Variants in OSGEP observed in about 807,000 individuals in gnomAD.
OSGEP encodes the protein O-sialoglycoprotein endopeptidase.
In OSGEP, 39 loss-of-function variants were observed where a neutral mutation model predicts 44.1. The observed-to-expected ratio is 0.88, with a 90% CI of 0.69 to 1.16. The LOEUF (loss-of-function observed/expected upper bound fraction) is 1.16, where lower values mean the gene tolerates loss of function less well. OSGEP is among the 50% of genes most tolerant of loss of function. The pLI is 0.00. For synonymous variants in OSGEP, 139 were observed against 161.9 expected, an observed-to-expected ratio of 0.86 and a Z score of 1.07; for missense variants, 403 against 443.1, an observed-to-expected ratio of 0.91 and a Z score of 0.81.
chr14:20,448,727 A>C lies in OSGEP; in HGVS notation c.636+6T>G. Reference sequence around the variant, plus strand: ...AAGTGCCCGTCTCATCACCTCTCACACTCACCTCAATGAAAGACAGGATCC... The same window carrying C: ...AAGTGCCCGTCTCATCACCTCTCACCCTCACCTCAATGAAAGACAGGATCC... On this transcript the variant is annotated splice_donor_region_variant and intron_variant, in intron 6 of 10. Coordinates refer to ENST00000206542, the MANE Select transcript of OSGEP (RefSeq NM_017807.4). 6.2e-7 allele frequency: 1 copy of C among 1,602,034 alleles called. No homozygotes were observed. Among genetic ancestry groups the C allele is most frequent in the East Asian group, 2.2e-5 (1 of 44,854 alleles).
chr14:20,447,841 T>G, intron 8 of OSGEP, 63 bp downstream of exon 8: 3 of 1,306,746 alleles, frequency 2.3e-6, no homozygotes, highest in Non-Finnish European at 3.3e-6. Context: ...TGATTTAGAG[T>G]ACCAGGAGGA....
intron 1 of OSGEP, among the ~76,000 whole-genome samples, chr14:20,452,712 T>C (rs1412810016): frequency 6.6e-6 from 1 of 151,704 alleles, no homozygotes; most frequent in Non-Finnish European, 1.5e-5. Context: ...CGTGATCTTT[T>C]TTTTTTTTTT....
At position 20,454,763 on chromosome 14, in the gene OSGEP, C is replaced by A. The variant is rs1040623312; in HGVS notation, c.-80G>T. 2.0e-6 allele frequency: 2 copies of A among 1,014,272 alleles called. No homozygotes were observed. Among genetic ancestry groups the A allele is most frequent in the Non-Finnish European group, 3.0e-6 (2 of 666,080 alleles). The allele number at this position is 1,014,272 out of a possible 1,614,324, so 62.8% of individuals were successfully genotyped here. Reference sequence around the variant, plus strand: ...GAGGTCCTCACTAGTCCGCGCTGGGCCGCAGCTTTCCGGAGCGCAGAGGAA... The same window carrying A: ...GAGGTCCTCACTAGTCCGCGCTGGGACGCAGCTTTCCGGAGCGCAGAGGAA... On this transcript the variant is annotated 5_prime_UTR_variant, in exon 1 of 11. Transcript: ENST00000206542.
chr14:20,451,584 G>C (rs1881102432), intron 3 of OSGEP: 1 of 159,820 alleles, frequency 6.3e-6, no homozygotes, highest in Non-Finnish European at 1.4e-5. Flanking sequence ...TGGAATTACA[G>C]GCATGAGTTG....
Position 20,447,605 on chromosome 14 carries a change from G to A in OSGEP, c.869+10C>T, listed in dbSNP as rs1478064991. 1.9e-6 allele frequency: 3 copies of A among 1,612,936 alleles called. No individual in the cohort carries two copies. In the East Asian group the frequency reaches 6.7e-5, roughly 36 times the overall value. On this transcript the variant is annotated intron_variant, in intron 9 of 10. Coordinates refer to ENST00000206542, the MANE Select transcript of OSGEP (RefSeq NM_017807.4). ...AAGTAAAAAAGAAACCAAAGGGAAAGTGTCTTTACCTCTCATCTGTAGCAA... is the reference window on the plus strand; with the variant it reads ...AAGTAAAAAAGAAACCAAAGGGAAAATGTCTTTACCTCTCATCTGTAGCAA...
Position 20,452,085 on chromosome 14 carries a change from CCA to C in OSGEP, c.298_299del (p.Trp100GlufsTer2). 6.2e-7 allele frequency: 1 copy of C among 1,613,928 alleles called. No homozygotes were observed. Among genetic ancestry groups the C allele is most frequent in the Non-Finnish European group, 8.5e-7 (1 of 1,179,972 alleles). ...AVVARTVAQL[W>X]NKPLVGVNHC... is the part of the protein sequence containing the mutation. ...GGTTCACACCCACCAATGGCTTATT[CCA>C]CAGTTGGGCCACAGTACGGGCCACA... is the stretch of plus-strand genomic sequence containing the variant. On this transcript the variant is annotated frameshift_variant, in exon 3 of 11. Transcript: ENST00000206542. LOFTEE classifies it high-confidence loss of function.
rs765715506 is a variant in OSGEP at position 20,452,056 on chromosome 14, C to G, written c.329G>C (p.Cys110Ser). ...GCGGCCCATCTCAATGTGGCCTATACAGTGGTTCACACCCACCAATGGCTT... is the reference window on the plus strand; with the variant it reads ...GCGGCCCATCTCAATGTGGCCTATAGAGTGGTTCACACCCACCAATGGCTT... ...WNKPLVGVNH[C>S]IGHIEMGRLI... is the part of the protein sequence containing the mutation. The change falls in exon 3 of 11, where the codon TGT becomes TCT. Residue 110 changes from cysteine (C) to serine (S), a missense_variant. By Grantham distance (112) the Cys-to-Ser change is moderately radical. Coordinates refer to ENST00000206542, the MANE Select transcript of OSGEP (RefSeq NM_017807.4). The G allele has an allele frequency of 6.2e-7, 1 of 1,613,888 alleles. No homozygotes were observed. The highest frequency in any genetic ancestry group is 8.5e-7 in the Non-Finnish European group (1 of 1,179,990).
chr14:20,448,779 A>T lies in OSGEP; in HGVS notation c.590T>A (p.Val197Glu). Reference sequence around the variant, plus strand: ...TGAGAATGAGACGTCCATCCCCTTTACAGTGTATGGCAGCTCAACTAGCTT... The same window carrying T: ...TGAGAATGAGACGTCCATCCCCTTTTCAGTGTATGGCAGCTCAACTAGCTT... ...GKKLVELPYT[V>E]KGMDVSFSGI... The change falls in exon 6 of 11, where the codon GTA becomes GAA. Residue 197 changes from valine (V) to glutamate (E), a missense_variant. Coordinates refer to ENST00000206542, the MANE Select transcript of OSGEP (RefSeq NM_017807.4). 1 of 1,613,474 alleles carries T rather than the reference A, an allele frequency of 6.2e-7. No individual in the cohort carries two copies. Among genetic ancestry groups the T allele is most frequent in the Non-Finnish European group, 8.5e-7 (1 of 1,179,394 alleles).
At chr14:20,453,668 G>A (rs749612332) in intron 1 of OSGEP, among the ~76,000 whole-genome samples, 5 of 151,966 alleles carry the variant, frequency 3.3e-5, no homozygotes, top group Admixed American at 6.6e-5. Flanking sequence ...ACGCCCAGCC[G>A]TGTTTGGTAC....
At position 20,448,761 on chromosome 14, in the gene OSGEP, G is replaced by A. The variant is rs769110820; in HGVS notation, c.608C>T (p.Ser203Leu). The change falls in exon 6 of 11, where the codon TCA (serine) becomes TTA (leucine). Residue 203 changes from serine to leucine, a missense_variant. Transcript: ENST00000206542. ...LPYTVKGMDV[S>L]FSGILSFIED... is the part of the protein sequence containing the mutation. ...AATGAAAGACAGGATCCCTGAGAAT[G>A]AGACGTCCATCCCCTTTACAGTGTA... 1 of 1,613,328 alleles carries A rather than the reference G, an allele frequency of 6.2e-7. No individual in the cohort carries two copies. The highest frequency in any genetic ancestry group is 1.1e-5 in the South Asian group (1 of 91,062).
intron 10 of OSGEP, 53 bp from the exon 11 acceptor site, chr14:20,447,332 T>C: frequency 1.9e-6 from 3 of 1,608,838 alleles, no homozygotes; most frequent in Non-Finnish European, 2.6e-6. Flanking sequence ...ACATCCTTCA[T>C]TCTTCTCTGC....
Position 20,447,607 on chromosome 14 carries a change from G to GTCT in OSGEP, c.869+5_869+7dup, listed in dbSNP as rs1157039620. ...GTAAAAAAGAAACCAAAGGGAAAGT[G>GTCT]TCTTTACCTCTCATCTGTAGCAAAA... is the stretch of plus-strand genomic sequence containing the variant. On this transcript the variant is annotated splice_region_variant and intron_variant, in intron 9 of 10. Transcript: ENST00000206542. The GTCT allele has an allele frequency of 6.8e-6, 11 of 1,612,048 alleles. No individual in the cohort carries two copies. Among genetic ancestry groups the GTCT allele is most frequent in the Non-Finnish European group, 9.3e-6 (11 of 1,178,084 alleles).
intron 8 of OSGEP, 58 bp from the exon 9 acceptor site, chr14:20,447,748 C>G (rs1880984880): frequency 7.2e-7 from 1 of 1,397,960 alleles, no homozygotes; most frequent in Non-Finnish European, 1.0e-6. Context: ...CATGGTCCAG[C>G]AGAACACGTC....
At chr14:20,451,207 A>G (rs781018431) in intron 3 of OSGEP, 1 of 158,758 alleles carries the variant, frequency 6.3e-6, no homozygotes, top group Non-Finnish European at 1.4e-5. Context: ...TTAGAATAAC[A>G]AAGTCTACAT....
intron 3 of OSGEP, chr14:20,449,566 A>G: frequency 3.1e-6 from 1 of 318,474 alleles, no homozygotes; most frequent in Admixed American, 4.4e-5. Flanking sequence ...CCTTAAATGC[A>G]GTCTTGATAG....
Position 20,447,465 on chromosome 14 carries a change from C to T in OSGEP, c.925G>A (p.Ala309Thr), listed in dbSNP as rs769231715. 10 of 1,614,016 alleles carry T rather than the reference C, an allele frequency of 6.2e-6. No homozygotes were observed. Among genetic ancestry groups the T allele is most frequent in the Non-Finnish European group, 8.5e-6 (10 of 1,180,014 alleles). ...IAQAGWEMFR[A>T]GHRTPLSDSG... ...TCACTGAGTGGGGTCCTGTGTCCAG[C>T]CCGAAACATCTCCCAGCCAGCCTGG... Residue 309 changes from alanine (A) to threonine (T), a missense_variant, in exon 10 of 11, where the codon GCT (alanine) becomes ACT (threonine). Coordinates refer to ENST00000206542, the MANE Select transcript of OSGEP (RefSeq NM_017807.4).
At chr14:20,454,309 GTC>G (rs1372617000) in intron 1 of OSGEP, among the ~76,000 whole-genome samples, 4 of 151,946 alleles carry the variant, frequency 2.6e-5, no homozygotes, top group African/African-American at 9.7e-5. Context: ...CTATTTATAT[GTC>G]TGACTCCACA....
At position 20,451,996 on chromosome 14, in the gene OSGEP, T is replaced by A; in HGVS notation, c.389A>T (p.Tyr130Phe). 6.2e-7 allele frequency: 1 copy of A among 1,609,524 alleles called. No homozygotes were observed. Among genetic ancestry groups the A allele is most frequent in the Non-Finnish European group, 8.5e-7 (1 of 1,177,746 alleles). ...TACCTGCGTATTTCCTCCACTCACA[T>A]ACAACACGGTTGGGCTGGTGGCTCC... ...ITGATSPTVL[Y>F]VSGGNTQVIA... The change falls in exon 3 of 11, where the codon TAT becomes TTT. Residue 130 changes from tyrosine (Y) to phenylalanine (F), a missense_variant. Transcript: ENST00000206542.
chr14:20,452,188 G>A (rs1269440566), intron 2 of OSGEP, 39 bp from the exon 3 acceptor site: 3 of 1,539,086 alleles, frequency 1.9e-6, no homozygotes, highest in Admixed American at 3.7e-5. Flanking sequence ...CCTAGAGATT[G>A]GAAAAAAACA....
Sources: gnomAD v4.1 joint callset for allele counts (sites outside exome capture counted in the v4.1 genomes callset) on GRCh38, gnomAD v4.1.1 for gene constraint, MANE v1.5 for transcripts, NCBI Gene and HGNC (gene_info 2026-07-23, HGNC 2026-07-21) for gene names.